The following MARCHF1 variants were observed in gnomAD, a reference collection of about 807,000 sequenced individuals.
The protein encoded by MARCHF1 is membrane associated ring-CH-type finger 1, also known as E3 ubiquitin-protein ligase MARCHF1.
In MARCHF1, 40 loss-of-function variants were observed where a neutral mutation model predicts 54.2. The observed-to-expected ratio is 0.74, with a 90% CI of 0.57 to 0.96. The LOEUF is 0.96. Ranked by LOEUF, MARCHF1 falls within the 40% of genes least tolerant of loss-of-function variation. The pLI is 0.00. For missense variants in MARCHF1, 586 were observed against 656.5 expected, an observed-to-expected ratio of 0.89 and a Z score of 1.17; for synonymous variants, 236 against 236.3, an observed-to-expected ratio of 1.00 and a Z score of 0.01.
chr4:163,678,145 C>T (rs899641949), intron 5 of MARCHF1, among the ~76,000 whole-genome samples: 1 of 152,154 alleles, frequency 6.6e-6, no homozygotes, highest in Non-Finnish European at 1.5e-5. Context: ...TTCCTTGATT[C>T]TCTGTTCTTC....
At chr4:164,069,646 A>G (rs536605806) in intron 2 of MARCHF1, among the ~76,000 whole-genome samples, 1 of 152,228 alleles carries the variant, frequency 6.6e-6, no homozygotes, top group Non-Finnish European at 1.5e-5. Context: ...ATCAGAAGGA[A>G]CAAACTCTTT....
At chr4:164,050,275 C>CAAA (rs34642436) in intron 2 of MARCHF1, among the ~76,000 whole-genome samples, 33 of 40,188 alleles carry the variant, frequency 8.2e-4, no homozygotes, top group African/African-American at 2.4e-3. Flanking sequence ...ACACTGTCTC[C>CAAA]AAAAAAAAAA....
At chr4:163,632,669 G>T (rs1434395867) in intron 5 of MARCHF1, among the ~76,000 whole-genome samples, 2 of 152,222 alleles carry the variant, frequency 1.3e-5, no homozygotes, top group African/African-American at 4.8e-5. Flanking sequence ...GAGGCTGGGG[G>T]AGGGGCGCCC....
chr4:163,963,869 A>G (rs536939839), intron 3 of MARCHF1, among the ~76,000 whole-genome samples: 88 of 152,102 alleles, frequency 5.8e-4, no homozygotes, highest in African/African-American at 2.1e-3. Flanking sequence ...ATGGACATCC[A>G]GCCTAGTCCA....
chr4:163,778,622 T>C, intron 4 of MARCHF1, among the ~76,000 whole-genome samples: 1 of 152,160 alleles, frequency 6.6e-6, no homozygotes, highest in Non-Finnish European at 1.5e-5. Context: ...AATGGGTGAC[T>C]AGATAAGACA....
At chr4:163,870,962 T>A (rs1750156057) in intron 3 of MARCHF1, among the ~76,000 whole-genome samples, 2 of 152,128 alleles carry the variant, frequency 1.3e-5, no homozygotes, top group Non-Finnish European at 2.9e-5. Context: ...ATCGTATATT[T>A]TCAAATAGCT....
chr4:163,810,161 T>C (rs774093521), intron 4 of MARCHF1, among the ~76,000 whole-genome samples: 5 of 151,856 alleles, frequency 3.3e-5, no homozygotes, highest in Non-Finnish European at 7.4e-5. Context: ...ATAACTGAGA[T>C]TGCTGTTGTA....
chr4:164,105,445 C>T (rs1326606183), intron 2 of MARCHF1, among the ~76,000 whole-genome samples: 4 of 149,120 alleles, frequency 2.7e-5, no homozygotes, highest in African/African-American at 9.9e-5. Context: ...GAACAGAGCC[C>T]TCAGAAATAA....
chr4:164,237,084 C>T (rs921834942), intron 1 of MARCHF1, among the ~76,000 whole-genome samples: 3 of 152,172 alleles, frequency 2.0e-5, no homozygotes, highest in Non-Finnish European at 4.4e-5. Context: ...CCATTTTGCA[C>T]ACTTTTCCTT....
chr4:164,168,013 A>G (rs574709706), intron 1 of MARCHF1, among the ~76,000 whole-genome samples: 2 of 152,122 alleles, frequency 1.3e-5, no homozygotes, highest in South Asian at 4.1e-4. Flanking sequence ...TATTTGTAAA[A>G]CAAACATCTG....
chr4:163,794,760 GA>G (rs1172292530), intron 4 of MARCHF1, among the ~76,000 whole-genome samples: 1 of 152,154 alleles, frequency 6.6e-6, no homozygotes, highest in Non-Finnish European at 1.5e-5. Context: ...TTTACTTGTT[GA>G]TTCTACAGAG....
chr4:163,815,998 C>A (rs1748521910), intron 4 of MARCHF1, among the ~76,000 whole-genome samples: 1 of 152,028 alleles, frequency 6.6e-6, no homozygotes, highest in Admixed American at 6.6e-5. Context: ...ATGTATTTAC[C>A]AAGAACAAAG....
chr4:163,816,873 G>A (rs961831667), intron 4 of MARCHF1, among the ~76,000 whole-genome samples: 1 of 151,644 alleles, frequency 6.6e-6, no homozygotes. Context: ...CCCCCGCTGT[G>A]CCCCCACTGC....
intron 1 of MARCHF1, among the ~76,000 whole-genome samples, chr4:164,366,392 T>C (rs994213165): frequency 3.3e-5 from 5 of 151,990 alleles, no homozygotes; most frequent in Admixed American, 1.3e-4. Context: ...GAAAAATGGA[T>C]GTGCATATAA....
At chr4:163,853,998 A>C (rs1560788995) in intron 4 of MARCHF1, 23 bp downstream of exon 4, 28 of 1,534,212 alleles carry the variant, frequency 1.8e-5, no homozygotes, top group Non-Finnish European at 2.4e-5. Context: ...AGCCAATTTG[A>C]GGTAAAGTAA....
chr4:164,069,402 G>A (rs1031895336), intron 2 of MARCHF1, among the ~76,000 whole-genome samples: 7 of 152,166 alleles, frequency 4.6e-5, no homozygotes, highest in Non-Finnish European at 7.3e-5. Flanking sequence ...AATAAATCTT[G>A]CTGCTACCCA....
chr4:163,761,254 A>C (rs1273922025), intron 4 of MARCHF1, among the ~76,000 whole-genome samples: 2 of 152,222 alleles, frequency 1.3e-5, no homozygotes, highest in Non-Finnish European at 2.9e-5. Flanking sequence ...AGAGATGTTT[A>C]AGCAGTTTCT....
At chr4:163,959,726 A>C (rs1203075490) in intron 3 of MARCHF1, among the ~76,000 whole-genome samples, 1 of 152,038 alleles carries the variant, frequency 6.6e-6, no homozygotes, top group African/African-American at 2.4e-5. Flanking sequence ...AAGACAACCT[A>C]GTCAATACCA....
chr4:163,933,506 C>T (rs1476569491), intron 3 of MARCHF1, among the ~76,000 whole-genome samples: 3 of 152,148 alleles, frequency 2.0e-5, no homozygotes, highest in Non-Finnish European at 2.9e-5. Flanking sequence ...CTTCCAAACA[C>T]TTAGGTAGAG....
Sources: allele counts gnomAD v4.1 joint callset (sites outside exome capture counted in the v4.1 genomes callset), GRCh38; gene constraint gnomAD v4.1.1; transcripts MANE v1.5; gene names NCBI Gene and HGNC (gene_info 2026-07-23, HGNC 2026-07-21).